ZFHX3: variants seen among roughly 807,000 people sequenced by gnomAD.
The protein encoded by ZFHX3 is zinc finger homeobox protein 3.
A neutral mutation model predicts 279.1 loss-of-function variants in ZFHX3; 42 were observed. The observed-to-expected ratio is 0.15, with a 90% CI of 0.12 to 0.19. ZFHX3 has a LOEUF of 0.19. ZFHX3 is among the 10% of genes least tolerant of loss of function. The pLI is 1.00. For synonymous variants in ZFHX3, 2,293 were observed against 1,957.8 expected (o/e 1.17, Z -4.52); for missense variants, 4,981 against 4,754.0 (o/e 1.05, Z -1.40).
intron 2 of ZFHX3, among the ~76,000 whole-genome samples, chr16:73,475,950 G>T (rs1490858415): frequency 1.3e-5 from 2 of 152,000 alleles, no homozygotes; most frequent in Admixed American, 1.3e-4. Flanking sequence ...AAATATAAAT[G>T]TATCCAAATA....
At chr16:73,281,801 G>A (rs2014464199) in intron 4 of ZFHX3, among the ~76,000 whole-genome samples, 1 of 152,102 alleles carries the variant, frequency 6.6e-6, no homozygotes. Context: ...CCTCAATTAA[G>A]CGGTTTAAGA....
chr16:73,244,226 G>T (rs934312224), intron 5 of ZFHX3, among the ~76,000 whole-genome samples: 1 of 152,204 alleles, frequency 6.6e-6, no homozygotes, highest in African/African-American at 2.4e-5. Flanking sequence ...GATTCTAGAA[G>T]AGTATTCATC....
In ZFHX3 at chr16:73,186,573, A is replaced by G. The variant is rs537884136; in HGVS notation, c.-1103-42742T>C. Among the ~76,000 whole-genome samples, 7 of 139,580 alleles carry G rather than the reference A, an allele frequency of 5.0e-5. No homozygotes were observed. The South Asian group carries it at 6.8e-4, about 14-fold the overall frequency. 91.6% of individuals were successfully genotyped at this position (139,580 alleles called of 152,430 possible). On this transcript the variant is annotated intron_variant, in intron 5 of 17. Coordinates refer to the ZFHX3 transcript ENST00000641206. The stretch of plus-strand genomic sequence containing the variant: ...AGGAAAAGTTTTTTTTTTTTTTTTC[A>G]CTCAAAACACTTAACTCCTATTGAG...
intron 3 of ZFHX3, among the ~76,000 whole-genome samples, chr16:73,433,346 T>C (rs1352325722): frequency 1.3e-5 from 2 of 152,222 alleles, no homozygotes; most frequent in African/African-American, 4.8e-5. Flanking sequence ...GTGGGGTATA[T>C]GCACGCAGCC....
chr16:73,466,748 T>C (rs1209788895), intron 2 of ZFHX3, among the ~76,000 whole-genome samples: 1 of 152,152 alleles, frequency 6.6e-6, no homozygotes, highest in Non-Finnish European at 1.5e-5. Flanking sequence ...ACCTATGTTG[T>C]TACTAGAAAG....
At chr16:73,211,942 G>C (rs1026518330) in intron 5 of ZFHX3, among the ~76,000 whole-genome samples, 1 of 151,964 alleles carries the variant, frequency 6.6e-6, no homozygotes, top group African/African-American at 2.4e-5. Context: ...ATAGGAGTAA[G>C]ATTTTATTAG....
chr16:73,579,877 T>TATATATATATAC (rs1231940478), intron 2 of ZFHX3, among the ~76,000 whole-genome samples: 1 of 145,066 alleles, frequency 6.9e-6, no homozygotes, highest in African/African-American at 2.5e-5. Flanking sequence ...TATATATACA[T>TATATATATATAC]ACACACACAT....
chr16:73,771,116 G>A (rs2054012724), intron 1 of ZFHX3, among the ~76,000 whole-genome samples: 1 of 152,088 alleles, frequency 6.6e-6, no homozygotes, highest in Non-Finnish European at 1.5e-5. Context: ...GCTAGAGACT[G>A]GGGTGATGAC....
chr16:73,371,845 A>G (rs906860808), intron 3 of ZFHX3, among the ~76,000 whole-genome samples: 8 of 152,190 alleles, frequency 5.3e-5, no homozygotes, highest in East Asian at 1.9e-4. Context: ...GCTGATCGCA[A>G]TGCCCTTTCC....
intron 2 of ZFHX3, among the ~76,000 whole-genome samples, chr16:73,494,847 T>A (rs1267862418): frequency 1.3e-5 from 2 of 151,886 alleles, no homozygotes; most frequent in African/African-American, 4.8e-5. Context: ...GGATTACAGG[T>A]GTGAGCCTCT....
intron 1 of ZFHX3, among the ~76,000 whole-genome samples, chr16:72,984,801 C>T (rs1488140942): frequency 6.6e-6 from 1 of 152,010 alleles, no homozygotes; most frequent in Non-Finnish European, 1.5e-5. Context: ...CTATCGTGTG[C>T]AAGCTCACCC....
intron 1 of ZFHX3, among the ~76,000 whole-genome samples, chr16:73,727,359 G>A (rs576119629): frequency 4.6e-5 from 7 of 152,330 alleles, no homozygotes; most frequent in East Asian, 1.9e-4. Flanking sequence ...TGGGGTAACC[G>A]AGTATGGTGG....
intron 1 of ZFHX3, among the ~76,000 whole-genome samples, chr16:73,028,908 C>T (rs1186187519): frequency 6.6e-6 from 1 of 152,222 alleles, no homozygotes; most frequent in Non-Finnish European, 1.5e-5. Context: ...GCTCTGAAAG[C>T]CAGGCTTCAG....
At chr16:73,553,003 C>T (rs1318868008) in intron 2 of ZFHX3, among the ~76,000 whole-genome samples, 1 of 152,200 alleles carries the variant, frequency 6.6e-6, no homozygotes. Context: ...CACCTTTTGT[C>T]ACATTCTGCC....
chr16:73,357,514 C>T (rs1299475787), intron 3 of ZFHX3, among the ~76,000 whole-genome samples: 2 of 151,982 alleles, frequency 1.3e-5, no homozygotes, highest in South Asian at 2.1e-4. Flanking sequence ...ACAGAAAGAC[C>T]CTGTTGGAGG....
chr16:73,875,196 T>C (rs1171393175), intron 1 of ZFHX3, among the ~76,000 whole-genome samples: 1 of 152,196 alleles, frequency 6.6e-6, no homozygotes, highest in African/African-American at 2.4e-5. Flanking sequence ...AAAGATAAGA[T>C]TTATCGCAAA....
chr16:72,874,717 C>G (rs937707964), intron 4 of ZFHX3, among the ~76,000 whole-genome samples: 18 of 150,734 alleles, frequency 1.2e-4, no homozygotes, highest in African/African-American at 4.4e-4. Flanking sequence ...TAGACTCAAA[C>G]TTCTGGGCTC....
intron 3 of ZFHX3, among the ~76,000 whole-genome samples, chr16:73,413,574 TG>T (rs1317530920): frequency 2.6e-5 from 4 of 152,062 alleles, no homozygotes; most frequent in Non-Finnish European, 4.4e-5. Context: ...GGGGCTGGGG[TG>T]GAGGAGAGAG....
intron 5 of ZFHX3, among the ~76,000 whole-genome samples, chr16:73,199,903 G>C (rs1968230888): frequency 6.6e-6 from 1 of 151,926 alleles, no homozygotes; most frequent in Non-Finnish European, 1.5e-5. Context: ...GCAGTTCTTA[G>C]TGAAAAAAAA....
Sources: gnomAD v4.1 joint callset for allele counts (sites outside exome capture counted in the v4.1 genomes callset) on GRCh38, gnomAD v4.1.1 for gene constraint, MANE v1.5 for transcripts, NCBI Gene and HGNC (gene_info 2026-07-23, HGNC 2026-07-21) for gene names.